The following RWDD2B variants were observed in gnomAD, a reference collection of about 807,000 sequenced individuals.
The protein encoded by RWDD2B is RWD domain-containing protein 2B.
In RWDD2B, 36 loss-of-function variants were observed where a neutral mutation model predicts 33.6. The observed-to-expected ratio is 1.07, with a 90% CI of 0.82 to 1.42. The LOEUF (loss-of-function observed/expected upper bound fraction) is 1.42. RWDD2B is among the 40% of genes most tolerant of loss of function. RWDD2B has a pLI of 0.00. For synonymous variants in RWDD2B, 126 were observed against 133.1 expected (o/e 0.95, Z 0.37); for missense variants, 364 against 377.5 (o/e 0.96, Z 0.30).
intron 1 of RWDD2B, among the ~76,000 whole-genome samples, chr21:29,015,511 G>T (rs1459737379): frequency 1.3e-5 from 2 of 150,314 alleles, no homozygotes; most frequent in Non-Finnish European, 3.0e-5. Flanking sequence ...TTACAGGTGT[G>T]AGCCGCCACA....
intron 1 of RWDD2B, among the ~76,000 whole-genome samples, chr21:29,012,306 C>T (rs2084868021): frequency 6.6e-6 from 1 of 151,986 alleles, no homozygotes; most frequent in African/African-American, 2.4e-5. Flanking sequence ...GCCATGATGA[C>T]AATGGCGGTT....
chr21:29,010,049 A>G (rs1378524110), intron 1 of RWDD2B, among the ~76,000 whole-genome samples: 1 of 152,090 alleles, frequency 6.6e-6, no homozygotes, highest in African/African-American at 2.4e-5. Context: ...TTCTTTACCT[A>G]TTGATGGACA....
rs117476457 is a variant in RWDD2B, at chr21:29,006,215, A to C, written c.*202T>G. On this transcript the variant is annotated 3_prime_UTR_variant, in exon 5 of 5. Coordinates refer to ENST00000493196, the MANE Select transcript of RWDD2B (RefSeq NM_016940.3). The stretch of plus-strand genomic sequence containing the variant: ...TGAAGAAATATCTAACAACAATTTT[A>C]AGGTTGTAATTTGAAACTCAGTTCT... The C allele has an allele frequency of 0.016, 7,164 of 441,644 alleles. 109 individuals carry two copies. Among genetic ancestry groups the C allele is most frequent in the Non-Finnish European group, 0.021 (5,285 of 249,008 alleles). 27.4% of individuals were successfully genotyped at this position (441,644 alleles called of 1,614,324 possible). A position where few individuals can be genotyped will look rare whatever the true frequency, so the allele number is the denominator to read the frequency against.
intron 1 of RWDD2B, among the ~76,000 whole-genome samples, chr21:29,017,478 C>T (rs536798817): frequency 1.3e-5 from 2 of 151,684 alleles, no homozygotes; most frequent in African/African-American, 2.4e-5. Flanking sequence ...CAGGTGTGGT[C>T]GCCCACGCCT....
chr21:29,008,111 C>G lies in RWDD2B; in HGVS notation c.375G>C (p.Leu125Phe). ...LPEITVRSVL[L>F]SRSQQTQLNT... ...TCAGCTGAGTCTGCTGGGATCTACT[C>G]AATAATACTGATCTAATAGAAAAGA... is the stretch of plus-strand genomic sequence containing the variant. The change falls in exon 4 of 5, where the codon TTG becomes TTC. Residue 125 changes from leucine to phenylalanine, a missense_variant. Coordinates refer to ENST00000493196, the MANE Select transcript of RWDD2B (RefSeq NM_016940.3). 1 of 1,612,988 alleles carries G rather than the reference C, an allele frequency of 6.2e-7. No homozygotes were observed. The highest frequency in any genetic ancestry group is 8.5e-7 in the Non-Finnish European group (1 of 1,179,320).
At chr21:29,009,392 G>GT (rs11317441) in intron 1 of RWDD2B, among the ~76,000 whole-genome samples, 2,238 of 116,144 alleles carry the variant, frequency 0.019, 51 homozygotes, top group African/African-American at 0.058. Flanking sequence ...GCATTTATTA[G>GT]TTTTTTTTTT....
At chr21:29,016,570 T>A (rs2084891462) in intron 1 of RWDD2B, among the ~76,000 whole-genome samples, 1 of 152,110 alleles carries the variant, frequency 6.6e-6, no homozygotes, top group African/African-American at 2.4e-5. Flanking sequence ...GGCCTTTTTT[T>A]TTTTAAACAA....
rs555057651 is a variant in RWDD2B, at chr21:29,006,846, G to GC, written c.726-196dup. 5.6e-4 allele frequency among the ~76,000 whole-genome samples: 85 copies of GC among 152,270 alleles called. 1 individual carries two copies. Among genetic ancestry groups the GC allele is most frequent in the African/African-American group, 1.9e-3 (79 of 41,558 alleles). On this transcript the variant is annotated intron_variant, in intron 4 of 4. Transcript: ENST00000493196. ...TCATGCTGGTTTCAAACTCCTGGCT[G>GC]CAAGTGATACTCTGGCCTCAGCCTC...
In RWDD2B at chr21:29,008,564, T is replaced by G; in HGVS notation, c.125A>C (p.Glu42Ala). The G allele has an allele frequency of 1.2e-6, 2 of 1,614,114 alleles. No individual in the cohort carries two copies. The highest frequency in any genetic ancestry group is 1.7e-6 in the Non-Finnish European group (2 of 1,180,024). The stretch of plus-strand genomic sequence containing the variant: ...GAACATACTGGCTAGCAGGTCTAAC[T>G]CAGCAAGCTGGGCCTCCGCCTGCTC... ...EMEQAEAQLA[E>A]LDLLASMFPG... is the part of the protein sequence containing the mutation. Residue 42 changes from glutamate to alanine, a missense_variant, in exon 2 of 5, where the codon GAG (glutamate) becomes GCG (alanine). By Grantham distance (107) the Glu-to-Ala change is moderately radical. Coordinates refer to ENST00000493196, the MANE Select transcript of RWDD2B (RefSeq NM_016940.3).
intron 1 of RWDD2B, among the ~76,000 whole-genome samples, chr21:29,011,335 C>G (rs13048520): frequency 6.9e-6 from 1 of 145,740 alleles, no homozygotes; most frequent in Admixed American, 6.7e-5. Context: ...GTCCGGGATG[C>G]GAGGAGCGTC....
chr21:29,011,770 G>A (rs1226908326), intron 1 of RWDD2B, among the ~76,000 whole-genome samples: 1 of 135,178 alleles, frequency 7.4e-6, no homozygotes. Context: ...GAGGTGGGGG[G>A]GTCAGCCCCC....
At chr21:29,008,773 T>C (rs1393035255) in intron 1 of RWDD2B, 152 bp from the exon 2 acceptor site, 5 of 626,916 alleles carry the variant, frequency 8.0e-6, no homozygotes, top group Admixed American at 6.0e-5. Flanking sequence ...CTTTCAGATA[T>C]AATATGCTAA....
At position 29,007,927 on chromosome 21, in the gene RWDD2B, A is replaced by G. The variant is rs1324262134; in HGVS notation, c.559T>C (p.Phe187Leu). The G allele has an allele frequency of 1.2e-6, 2 of 1,614,140 alleles. No individual in the cohort carries two copies. The highest frequency in any genetic ancestry group is 1.7e-6 in the Non-Finnish European group (2 of 1,180,052). The change falls in exon 4 of 5, where the codon TTC (phenylalanine) becomes CTC (leucine). Residue 187 changes from phenylalanine to leucine, a missense_variant. Phe to Leu is a conservative substitution (Grantham distance 22). Transcript: ENST00000493196. ...GSTVQSVDLIFTRLWIYSHHI... is the reference protein window; with the variant it reads ...GSTVQSVDLILTRLWIYSHHI... ...TGGCTGTAGATCCAGAGTCTCGTGA[A>G]GATGAGGTCAACTGACTGGACTGTG... is the stretch of plus-strand genomic sequence containing the variant.
intron 1 of RWDD2B, chr21:29,009,621 C>T (rs1481317655): frequency 2.0e-5 from 3 of 149,860 alleles, no homozygotes; most frequent in African/African-American, 4.9e-5. Flanking sequence ...GTCTTGATCT[C>T]CTGACCTCAT....
chr21:29,015,616 G>A (rs1163423369), intron 1 of RWDD2B, among the ~76,000 whole-genome samples: 1 of 142,538 alleles, frequency 7.0e-6, no homozygotes, highest in African/African-American at 2.6e-5. Context: ...CACAACCTCC[G>A]CCTCCTGGGT....
At chr21:29,010,983 A>G (rs2146337051) in intron 1 of RWDD2B, among the ~76,000 whole-genome samples, 1 of 152,284 alleles carries the variant, frequency 6.6e-6, no homozygotes, top group South Asian at 2.1e-4. Context: ...AATGGTGCCC[A>G]GGCTGGAGTG....
chr21:29,010,950 G>A lies in RWDD2B; in HGVS notation c.68-2329C>T, dbSNP rs553684987. 5.8e-4 allele frequency among the ~76,000 whole-genome samples: 89 copies of A among 152,336 alleles called. 1 individual carries two copies. Among genetic ancestry groups the A allele is most frequent in the African/African-American group, 1.9e-3 (78 of 41,596 alleles). On this transcript the variant is annotated intron_variant, in intron 1 of 4. Coordinates refer to ENST00000493196, the MANE Select transcript of RWDD2B (RefSeq NM_016940.3). ...CTCCCGAGATGCGGGGATTGCAGACGGAGTCTGGTTCACTCAGTGCTCAAT... is the reference window on the plus strand; with the variant it reads ...CTCCCGAGATGCGGGGATTGCAGACAGAGTCTGGTTCACTCAGTGCTCAAT...
chr21:29,016,300 T>C (rs1014450775), intron 1 of RWDD2B, among the ~76,000 whole-genome samples: 2 of 152,180 alleles, frequency 1.3e-5, no homozygotes, highest in African/African-American at 4.8e-5. Context: ...GTTTCGCTCT[T>C]GTTGCCCAGG....
At chr21:29,008,856 A>C (rs1293564925) in intron 1 of RWDD2B, among the ~76,000 whole-genome samples, 1 of 152,200 alleles carries the variant, frequency 6.6e-6, no homozygotes, top group African/African-American at 2.4e-5. Context: ...AAAACTCTTA[A>C]TAGTAAGTAG....
Sources: allele counts gnomAD v4.1 joint callset (sites outside exome capture counted in the v4.1 genomes callset), GRCh38; gene constraint gnomAD v4.1.1; transcripts MANE v1.5; gene names NCBI Gene and HGNC (gene_info 2026-07-23, HGNC 2026-07-21).